Variants in NUP54 observed in about 807,000 individuals in gnomAD.
The protein encoded by NUP54 is nucleoporin p54.
NUP54 carries 27 observed loss-of-function variants against 66.4 expected under a neutral mutation model. The ratio of observed to expected loss-of-function variants is 0.41; its 90% CI spans 0.30 to 0.56. The LOEUF (loss-of-function observed/expected upper bound fraction) is 0.56. Among genes scored for constraint, NUP54 ranks in the 20% least tolerant of loss-of-function variants. NUP54 has a pLI of 0.34. For missense variants in NUP54, 486 were observed against 596.3 expected, an observed-to-expected ratio of 0.82 and a Z score of 1.93; for synonymous variants, 206 against 210.7, an observed-to-expected ratio of 0.98 and a Z score of 0.19.
In NUP54 at chr4:76,131,242, G is replaced by A. The variant is rs764173938; in HGVS notation, c.950C>T (p.Pro317Leu). 1.4e-5 allele frequency: 23 copies of A among 1,593,656 alleles called. No homozygotes were observed. The highest frequency in any genetic ancestry group is 1.5e-5 in the Non-Finnish European group (18 of 1,166,548). ...IIWEQAKVDNPDSEKLIPVPM... is the reference protein window; with the variant it reads ...IIWEQAKVDNLDSEKLIPVPM... ...AAGACATACTTACTTTTCAGAATCAGGGTTATCTACCTTGGCCTGTTCCCA... is the reference window on the plus strand; with the variant it reads ...AAGACATACTTACTTTTCAGAATCAAGGTTATCTACCTTGGCCTGTTCCCA... Residue 317 changes from proline (P) to leucine (L), a missense_variant, in exon 7 of 12, where the codon CCT (proline) becomes CTT (leucine). Pro to Leu is a moderately conservative substitution (Grantham distance 98). This residue lies in a region of NUP54 where 217 missense variants were observed against 247.9 expected (regional missense o/e 0.88). Transcript: ENST00000264883.
In NUP54 at chr4:76,148,351, G is replaced by A; in HGVS notation, c.24C>T (p.Pro8=). The A allele has an allele frequency of 3.2e-6, 5 of 1,550,288 alleles. No homozygotes were observed. The highest frequency in any genetic ancestry group is 4.4e-6 in the Non-Finnish European group (5 of 1,148,498). MAFNFGA[P]SGTSGTAAAT... is the part of the protein sequence containing the mutation. ...CTGCAGCGGTACCGGAGGTGCCCGA[G>A]GGAGCCCCAAAATTGAAGGCCATGT... is the stretch of plus-strand genomic sequence containing the variant. The change falls in exon 1 of 12, where the codon CCC becomes CCT. Residue 8 remains proline, a synonymous_variant. Coordinates refer to ENST00000264883, the MANE Select transcript of NUP54 (RefSeq NM_017426.4).
intron 8 of NUP54, 130 bp from the exon 9 acceptor site, chr4:76,124,886 T>A: frequency 2.0e-6 from 1 of 502,106 alleles, no homozygotes; most frequent in Non-Finnish European, 3.5e-6. Context: ...ACTCTTTCCC[T>A]ATAAATCTGT....
At chr4:76,122,409 G>A (rs1204195173) in intron 9 of NUP54, among the ~76,000 whole-genome samples, 1 of 152,098 alleles carries the variant, frequency 6.6e-6, no homozygotes, top group Non-Finnish European at 1.5e-5. Flanking sequence ...CAAGCCCCTT[G>A]TAGTCACACT....
intron 5 of NUP54, among the ~76,000 whole-genome samples, chr4:76,133,529 G>T (rs985476383): frequency 6.6e-6 from 1 of 151,870 alleles, no homozygotes; most frequent in African/African-American, 2.4e-5. Context: ...GGATGGCCTC[G>T]ATCTCCTGAC....
intron 3 of NUP54, among the ~76,000 whole-genome samples, chr4:76,139,535 C>T (rs1484027715): frequency 6.6e-6 from 1 of 152,132 alleles, no homozygotes; most frequent in Non-Finnish European, 1.5e-5. Context: ...GAATTCTCTA[C>T]ACTAAAAAGA....
chr4:76,124,207 T>C (rs956707194), intron 9 of NUP54, among the ~76,000 whole-genome samples: 7 of 152,104 alleles, frequency 4.6e-5, no homozygotes, highest in African/African-American at 1.7e-4. Flanking sequence ...GTTTTCATGA[T>C]AGTTTATAAT....
At chr4:76,140,064 G>A (rs1731200427) in intron 3 of NUP54, among the ~76,000 whole-genome samples, 1 of 152,080 alleles carries the variant, frequency 6.6e-6, no homozygotes, top group South Asian at 2.1e-4. Flanking sequence ...ACTGTTTCAA[G>A]AAAAAATAAA....
At chr4:76,125,315 A>ATC (rs1553942200) in intron 8 of NUP54, among the ~76,000 whole-genome samples, 4 of 92,030 alleles carry the variant, frequency 4.3e-5, no homozygotes, top group South Asian at 3.5e-4. Context: ...GTGAGACTCC[A>ATC]TCACACACAC....
At chr4:76,146,145 A>C (rs1473428719) in intron 1 of NUP54, 4 of 445,476 alleles carry the variant, frequency 9.0e-6, no homozygotes, top group Middle Eastern at 6.9e-4. Flanking sequence ...AGTATACAAA[A>C]TAAAAAGTAA....
chr4:76,120,025 A>G (rs911241381), intron 9 of NUP54, among the ~76,000 whole-genome samples: 1 of 152,160 alleles, frequency 6.6e-6, no homozygotes, highest in Non-Finnish European at 1.5e-5. Flanking sequence ...GTTATTTTTA[A>G]TGGCTGTATG....
chr4:76,119,743 G>A (rs1321126800), intron 9 of NUP54, among the ~76,000 whole-genome samples: 1 of 151,902 alleles, frequency 6.6e-6, no homozygotes, highest in African/African-American at 2.4e-5. Flanking sequence ...GCCTCTAAAG[G>A]CAGACTCTTG....
intron 9 of NUP54, among the ~76,000 whole-genome samples, chr4:76,123,325 G>A (rs1056585225): frequency 6.6e-6 from 1 of 152,086 alleles, no homozygotes; most frequent in Non-Finnish European, 1.5e-5. Flanking sequence ...ACAAAATTTG[G>A]CAATGAAACT....
chr4:76,132,997 AC>A (rs1343704712), intron 5 of NUP54, among the ~76,000 whole-genome samples: 1 of 150,888 alleles, frequency 6.6e-6, no homozygotes, highest in Admixed American at 6.6e-5. Flanking sequence ...ACAGCTGCAC[AC>A]CCGCTACGTT....
At chr4:76,135,927 TCTC>T (rs1347983435) in intron 4 of NUP54, among the ~76,000 whole-genome samples, 2 of 152,204 alleles carry the variant, frequency 1.3e-5, no homozygotes, top group Non-Finnish European at 2.9e-5. Flanking sequence ...GGCAAACCAT[TCTC>T]CTGTTTACAT....
rs17001433 is a variant in NUP54, at chr4:76,115,253, T to G, written c.*113A>C. 0.15 allele frequency: 145,864 copies of G among 982,014 alleles called. 11,848 individuals carry two copies. The highest frequency in any genetic ancestry group is 0.34 in the East Asian group (11,539 of 33,614). The allele number at this position is 982,014 out of a possible 1,614,324, so 60.8% of individuals were successfully genotyped here. A position where few individuals can be genotyped will look rare whatever the true frequency, so the allele number is the denominator to read the frequency against. ...GTCAGTAAACTTCTCAAAAAACCAA[T>G]CCAAGAAAGAATTGTTTTCTTTTTC... is the stretch of plus-strand genomic sequence containing the variant. On this transcript the variant is annotated 3_prime_UTR_variant, in exon 12 of 12. Coordinates refer to ENST00000264883, the MANE Select transcript of NUP54 (RefSeq NM_017426.4).
At position 76,131,145 on chromosome 4, in the gene NUP54, A is replaced by G. The variant is rs1268528347; in HGVS notation, c.962+85T>C. The G allele has an allele frequency of 3.6e-6, 3 of 844,408 alleles. No individual in the cohort carries two copies. In the African/African-American group the frequency reaches 5.2e-5, roughly 15 times the overall value. The allele number at this position is 844,408 out of a possible 1,614,324, so 52.3% of individuals were successfully genotyped here. A position where few individuals can be genotyped will look rare whatever the true frequency, so the allele number is the denominator to read the frequency against. On this transcript the variant is annotated intron_variant, in intron 7 of 11. Coordinates refer to ENST00000264883, the MANE Select transcript of NUP54 (RefSeq NM_017426.4). ...ATGAAAATAAACTTGTCTCATATGT[A>G]AGAATTATAATTAATAGCTCCCATG...
intron 11 of NUP54, among the ~76,000 whole-genome samples, chr4:76,116,755 T>A (rs1441779187): frequency 6.6e-6 from 1 of 152,340 alleles, no homozygotes; most frequent in South Asian, 2.1e-4. Flanking sequence ...AAATGCAGAT[T>A]GAGTACGTCT....
In NUP54 at chr4:76,114,806, A is replaced by G. The variant is rs894495558; in HGVS notation, c.*560T>C. 6.6e-6 allele frequency: 1 copy of G among 152,220 alleles called. No individual in the cohort carries two copies. Among genetic ancestry groups the G allele is most frequent in the African/African-American group, 2.4e-5 (1 of 41,470 alleles). 9.4% of individuals were successfully genotyped at this position (152,220 alleles called of 1,614,324 possible). A position where few individuals can be genotyped will look rare whatever the true frequency, so the allele number is the denominator to read the frequency against. ...CTTAGGTGTGCTCTGTAAATTCCAA[A>G]TAAGTAAAATAATATAAAAATACAT... On this transcript the variant is annotated 3_prime_UTR_variant, in exon 12 of 12. Transcript: ENST00000264883.
intron 7 of NUP54, 119 bp downstream of exon 7, chr4:76,131,111 G>T: frequency 1.4e-6 from 1 of 717,984 alleles, no homozygotes; most frequent in Non-Finnish European, 2.4e-6. Flanking sequence ...TTTTTTAAAG[G>T]CCAGGAAAAT....
Sources: allele counts gnomAD v4.1 joint callset (sites outside exome capture counted in the v4.1 genomes callset), GRCh38; gene constraint gnomAD v4.1.1; regional missense constraint gnomAD v4.1.1; transcripts MANE v1.5; gene names NCBI Gene and HGNC (gene_info 2026-07-23, HGNC 2026-07-21).